The following ZNF227 variants were observed in gnomAD, a reference collection of about 807,000 sequenced individuals.
The protein encoded by ZNF227 is zinc finger protein 227.
A neutral mutation model predicts 13.2 loss-of-function variants in ZNF227; 12 were observed. The ratio of observed to expected loss-of-function variants is 0.91; its 90% CI spans 0.58 to 1.47. The LOEUF is 1.47. Among genes scored for constraint, ZNF227 ranks in the 40% most tolerant of loss-of-function variants. The pLI is 0.00. For synonymous variants in ZNF227, 338 were observed against 326.0 expected (o/e 1.04, Z -0.40); for missense variants, 885 against 967.5 (o/e 0.91, Z 1.13).
At chr19:44,219,957 A>T (rs76696707) in intron 3 of ZNF227, among the ~76,000 whole-genome samples, 1 of 149,456 alleles carries the variant, frequency 6.7e-6, no homozygotes, top group Non-Finnish European at 1.5e-5. Context: ...CAGTCCCTGG[A>T]GTGTGATGTT....
In ZNF227 at chr19:44,228,830, A is replaced by C. The variant is rs1486618572; in HGVS notation, c.187+258A>C. 5.3e-5 allele frequency: 24 copies of C among 453,866 alleles called. No homozygotes were observed. The Admixed American group carries it at 9.4e-4, about 18-fold the overall frequency. 28.1% of individuals were successfully genotyped at this position (453,866 alleles called of 1,614,324 possible). A position where few individuals can be genotyped will look rare whatever the true frequency, so the allele number is the denominator to read the frequency against. ...GGCAATGTCTGGAAATGGTTGTCAC[A>C]CCTGACAGAGGGGTGCTATTGGCAT... On this transcript the variant is annotated intron_variant, in intron 4 of 5. Transcript: ENST00000313040.
At chr19:44,233,619 G>A (rs888082017) in intron 5 of ZNF227, among the ~76,000 whole-genome samples, 8 of 152,094 alleles carry the variant, frequency 5.3e-5, no homozygotes, top group Admixed American at 2.6e-4. Flanking sequence ...ATGGCAGGCC[G>A]GGCGTGGTGG....
intron 3 of ZNF227, 101 bp from the exon 4 acceptor site, chr19:44,228,334 TCTCTTGGAATC>T: frequency 1.6e-6 from 2 of 1,227,934 alleles, no homozygotes; most frequent in Non-Finnish European, 2.3e-6. Flanking sequence ...TTGACTGAGA[TCTCTTGGAATC>T]TATAACAACT....
At chr19:44,207,654 C>G (rs139800405), upstream of ZNF227, 2,758 of 152,524 alleles carry the variant, frequency 0.018, 41 homozygotes, top group Non-Finnish European at 0.025. Context: ...GGGCCCTGGC[C>G]CTCGTCTGGA....
chr19:44,208,982 G>A (rs10416292), upstream of ZNF227, among the ~76,000 whole-genome samples: 21,113 of 152,144 alleles, frequency 0.14, 3,719 homozygotes, highest in African/African-American at 0.4. Context: ...GGCTGAGGTG[G>A]GAGGATCGCT....
At chr19:44,207,585 CAA>C (rs1191549559), upstream of ZNF227, 1 of 152,210 alleles carries the variant, frequency 6.6e-6, no homozygotes, top group Non-Finnish European at 1.5e-5. Flanking sequence ...AGGGCGAAAA[CAA>C]GTGTTTGGAT....
intron 3 of ZNF227, among the ~76,000 whole-genome samples, chr19:44,218,745 A>G (rs769314151): frequency 1.4e-4 from 22 of 152,198 alleles, no homozygotes; most frequent in Non-Finnish European, 2.5e-4. Flanking sequence ...AACTGCCCCA[A>G]ATTTCCCAGG....
intron 5 of ZNF227, among the ~76,000 whole-genome samples, chr19:44,233,099 AT>A (rs879867806): frequency 4.7e-5 from 7 of 149,532 alleles, no homozygotes; most frequent in African/African-American, 1.2e-4. Flanking sequence ...ACCTGTTGCT[AT>A]TTTTTTTTCA....
chr19:44,219,759 TTTTATTTA>T (rs370761338), intron 3 of ZNF227, among the ~76,000 whole-genome samples: 110 of 149,436 alleles, frequency 7.4e-4, no homozygotes, highest in Admixed American at 2.0e-3. Flanking sequence ...GTTGATTTTC[TTTTATTTA>T]TTTATTTATT....
At position 44,228,437 on chromosome 19, in the gene ZNF227, A is replaced by G; in HGVS notation, c.61-9A>G. 1 of 1,608,712 alleles carries G rather than the reference A, an allele frequency of 6.2e-7. No homozygotes were observed. ...GTAAGATTGAGGTTACATGTGTTTG[A>G]TATTGTAGGAGGCTGTGACATTCAA... On this transcript the variant is annotated splice_polypyrimidine_tract_variant and intron_variant, in intron 3 of 5. Transcript: ENST00000313040.
chr19:44,224,277 T>C (rs1004279296), intron 3 of ZNF227, among the ~76,000 whole-genome samples: 4 of 152,202 alleles, frequency 2.6e-5, no homozygotes, highest in African/African-American at 9.6e-5. Flanking sequence ...TGTAGATGTC[T>C]ATTAGGTCCA....
In ZNF227 at chr19:44,216,522, C is replaced by T. The variant is rs567657454; in HGVS notation, c.-2-1269C>T. Reference sequence around the variant, plus strand: ...TTATACTGTTTAGAATTTCTATATGCGAACTTGTATCTTTTACCAATTGTG... The same window carrying T: ...TTATACTGTTTAGAATTTCTATATGTGAACTTGTATCTTTTACCAATTGTG... On this transcript the variant is annotated intron_variant, in intron 2 of 5. Coordinates refer to ENST00000313040, the MANE Select transcript of ZNF227 (RefSeq NM_182490.3). 9.9e-5 allele frequency among the ~76,000 whole-genome samples: 15 copies of T among 152,152 alleles called. 2 individuals are homozygous for T. The South Asian group carries it at 3.1e-3, about 32-fold the overall frequency.
chr19:44,229,445 C>T (rs1392699864), intron 4 of ZNF227, among the ~76,000 whole-genome samples: 1 of 152,092 alleles, frequency 6.6e-6, no homozygotes, highest in African/African-American at 2.4e-5. Flanking sequence ...AACCCCATCT[C>T]TACTAAAAAT....
chr19:44,223,323 A>G (rs1359626617), intron 3 of ZNF227, among the ~76,000 whole-genome samples: 1 of 152,198 alleles, frequency 6.6e-6, no homozygotes, highest in Non-Finnish European at 1.5e-5. Context: ...TGATTGGAAT[A>G]GTTTCAGAAG....
chr19:44,207,910 C>T (rs1031123112), upstream of ZNF227: 3 of 152,228 alleles, frequency 2.0e-5, no homozygotes, highest in Non-Finnish European at 2.9e-5. Context: ...CTTTCTCTAT[C>T]CCATTCTCCT....
rs58952117 is a variant in ZNF227, at chr19:44,230,926, A to AATAT, written c.271+1135_271+1138dup. The stretch of plus-strand genomic sequence containing the variant: ...ATCTCTACAAAAAAAAAAAAAAAAA[A>AATAT]ATATATATATATATATATATATATA... On this transcript the variant is annotated intron_variant, in intron 5 of 5. Transcript: ENST00000313040. Among the ~76,000 whole-genome samples the AATAT allele has an allele frequency of 5.2e-3, 351 of 68,028 alleles. 4 individuals carry two copies. Among genetic ancestry groups the AATAT allele is most frequent in the African/African-American group, 9.5e-3 (97 of 10,204 alleles). 44.6% of individuals were successfully genotyped at this position (68,028 alleles called of 152,430 possible).
chr19:44,229,898 G>T (rs1973608427), intron 5 of ZNF227, 82 bp downstream of exon 5: 2 of 937,162 alleles, frequency 2.1e-6, no homozygotes, highest in Non-Finnish European at 3.0e-6. Context: ...GACCTCCCTG[G>T]TCTGAGTGTT....
rs752728815 is a variant in ZNF227 at position 44,228,544 on chromosome 19, G to T, written c.159G>T (p.Val53=). 6.2e-7 allele frequency: 1 copy of T among 1,613,228 alleles called. No homozygotes were observed. ...GGAAGCTGTACCGAGATGTCATGGT[G>T]GAGAACTTCAAGAACCTGGTTGCAG... ...TQRKLYRDVM[V]ENFKNLVAVG... Residue 53 remains valine (V), a synonymous_variant, in exon 4 of 6, where the codon GTG becomes GTT. Coordinates refer to ENST00000313040, the MANE Select transcript of ZNF227 (RefSeq NM_182490.3).
At chr19:44,223,549 C>T (rs1178576791) in intron 3 of ZNF227, among the ~76,000 whole-genome samples, 2 of 152,132 alleles carry the variant, frequency 1.3e-5, no homozygotes, top group South Asian at 4.2e-4. Flanking sequence ...AATTTATTTG[C>T]GTAGAGGTGT....
Sources: allele counts gnomAD v4.1 joint callset (sites outside exome capture counted in the v4.1 genomes callset), GRCh38; gene constraint gnomAD v4.1.1; transcripts MANE v1.5; gene names NCBI Gene and HGNC (gene_info 2026-07-23, HGNC 2026-07-21).